NIM1K: variants seen among roughly 807,000 people sequenced by gnomAD.
NIM1K encodes serine/threonine-protein kinase NIM1.
Under a neutral mutation model 37.1 loss-of-function variants are expected in NIM1K, and 35 were observed. That is an observed-to-expected ratio of 0.94 (90% CI 0.72 to 1.25). NIM1K has a LOEUF of 1.25. Ranked by LOEUF, NIM1K falls within the 50% of genes most tolerant of loss-of-function variation. The probability of loss-of-function intolerance (pLI) is 0.00; values close to 1 mark genes in which losing one functional copy is unlikely to be tolerated. For missense variants in NIM1K, 564 were observed against 548.0 expected, an observed-to-expected ratio of 1.03 and a Z score of -0.29; for synonymous variants, 234 against 206.6, an observed-to-expected ratio of 1.13 and a Z score of -1.14.
At chr5:43,246,121 G>A in intron 2 of NIM1K, 54 bp downstream of exon 2, 1 of 1,517,608 alleles carries the variant, frequency 6.6e-7, no homozygotes. Context: ...CCTAGTGTAG[G>A]AAAGGGGTTA....
intron 1 of NIM1K, among the ~76,000 whole-genome samples, chr5:43,228,577 C>T (rs534430516): frequency 3.4e-4 from 52 of 152,062 alleles, no homozygotes; most frequent in African/African-American, 1.2e-3. Context: ...GTAATCCCAG[C>T]GTTTTGGGAG....
intron 1 of NIM1K, among the ~76,000 whole-genome samples, chr5:43,216,677 G>A (rs1014545037): frequency 2.6e-5 from 4 of 152,186 alleles, no homozygotes; most frequent in African/African-American, 9.7e-5. Context: ...TGCCTTCCCC[G>A]ATTGTATAAG....
chr5:43,193,448 C>T (rs1252562122), intron 1 of NIM1K: 2 of 149,966 alleles, frequency 1.3e-5, no homozygotes, highest in African/African-American at 2.5e-5. Context: ...GGCTCTCTGT[C>T]TACCCCCCCT....
chr5:43,243,115 G>C (rs1484212595), intron 1 of NIM1K, among the ~76,000 whole-genome samples: 5 of 152,158 alleles, frequency 3.3e-5, no homozygotes, highest in Non-Finnish European at 7.4e-5. Flanking sequence ...TCCTAGTGCT[G>C]ATGTAGTTGT....
At chr5:43,266,066 T>C (rs1307969396) in intron 2 of NIM1K, among the ~76,000 whole-genome samples, 1 of 152,234 alleles carries the variant, frequency 6.6e-6, no homozygotes, top group Admixed American at 6.5e-5. Flanking sequence ...TACTCAGGGG[T>C]CAGGGACCCA....
At chr5:43,214,958 A>G (rs948784268) in intron 1 of NIM1K, among the ~76,000 whole-genome samples, 4 of 152,170 alleles carry the variant, frequency 2.6e-5, no homozygotes, top group African/African-American at 7.2e-5. Flanking sequence ...GTGGGGGTAG[A>G]TGTGAACTGA....
chr5:43,232,642 A>G, intron 1 of NIM1K: 3 of 1,552,780 alleles, frequency 1.9e-6, no homozygotes, highest in Non-Finnish European at 1.7e-6. Flanking sequence ...AGCTGTGGAA[A>G]CCTGGGGTGG....
chr5:43,225,417 TTTAA>T lies in NIM1K; in HGVS notation c.-694-19660_-694-19657del, dbSNP rs1389809726. On this transcript the variant is annotated intron_variant, in intron 1 of 3. Transcript: ENST00000326035. Reference sequence around the variant, plus strand: ...TTTCTTTTTTTTTAAGTTGAACAATTTTAATTAAGTTACTCGTAAGCAGTAAAAT... The same window carrying T: ...TTTCTTTTTTTTTAAGTTGAACAATTTTAAGTTACTCGTAAGCAGTAAAAT... 9 of 152,276 alleles carry T rather than the reference TTTAA, an allele frequency of 5.9e-5. 1 individual carries two copies. The highest frequency in any genetic ancestry group is 1.9e-4 in the African/African-American group (8 of 41,550). 9.4% of individuals were successfully genotyped at this position (152,276 alleles called of 1,614,324 possible).
intron 2 of NIM1K, among the ~76,000 whole-genome samples, chr5:43,250,043 G>A (rs1368724548): frequency 6.6e-6 from 1 of 151,368 alleles, no homozygotes; most frequent in Non-Finnish European, 1.5e-5. Context: ...TAGTAGAGAC[G>A]GGGTTTCACC....
intron 1 of NIM1K, among the ~76,000 whole-genome samples, chr5:43,206,369 G>T (rs1351262165): frequency 7.1e-6 from 1 of 141,788 alleles, no homozygotes; most frequent in East Asian, 2.0e-4. Context: ...GAGGGGTGGT[G>T]CGTTCCTGTA....
chr5:43,218,380 T>C (rs532018474), intron 1 of NIM1K, among the ~76,000 whole-genome samples: 1 of 152,324 alleles, frequency 6.6e-6, no homozygotes, highest in Non-Finnish European at 1.5e-5. Context: ...TACCTGAGAC[T>C]GGATAATTTA....
chr5:43,199,142 T>G (rs1402056076), intron 1 of NIM1K, among the ~76,000 whole-genome samples: 1 of 138,600 alleles, frequency 7.2e-6, no homozygotes, highest in Non-Finnish European at 1.5e-5. Context: ...GAGCTGAGAT[T>G]GTGCCATTGT....
intron 1 of NIM1K, among the ~76,000 whole-genome samples, chr5:43,231,468 T>C (rs1235831104): frequency 6.6e-6 from 1 of 152,200 alleles, no homozygotes; most frequent in Non-Finnish European, 1.5e-5. Flanking sequence ...TAATATTGAA[T>C]CGTTTACCTT....
rs1176718462 is a variant in NIM1K at position 43,198,207 on chromosome 5, CTCTTTCTTTCTTTCTTTCTT to C, written c.-695+5818_-695+5837del. Among the ~76,000 whole-genome samples the C allele has an allele frequency of 2.5e-4, 12 of 48,904 alleles. 1 individual carries two copies. The highest frequency in any genetic ancestry group is 3.3e-4 in the Non-Finnish European group (8 of 24,542). 32.1% of individuals were successfully genotyped at this position (48,904 alleles called of 152,430 possible). A position where few individuals can be genotyped will look rare whatever the true frequency, so the allele number is the denominator to read the frequency against. On this transcript the variant is annotated intron_variant, in intron 1 of 3. Coordinates refer to ENST00000326035, the MANE Select transcript of NIM1K (RefSeq NM_153361.4). The stretch of plus-strand genomic sequence containing the variant: ...TCTTTCTTTCTTTCTTTCTTTCTTT[CTCTTTCTTTCTTTCTTTCTT>C]TCTTTCTTTCTTTCTTTCTTTTCTT...
At chr5:43,253,062 TG>T (rs1752889295) in intron 2 of NIM1K, among the ~76,000 whole-genome samples, 1 of 149,204 alleles carries the variant, frequency 6.7e-6, no homozygotes, top group African/African-American at 2.5e-5. Context: ...ACTGCTGCCT[TG>T]GACTCCTGGG....
intron 1 of NIM1K, among the ~76,000 whole-genome samples, chr5:43,201,044 G>A (rs1257385864): frequency 5.3e-5 from 8 of 151,480 alleles, no homozygotes; most frequent in South Asian, 2.1e-4. Context: ...AGAATTGCTT[G>A]AGCCTGGGCG....
intron 1 of NIM1K, among the ~76,000 whole-genome samples, chr5:43,241,819 T>C (rs1752707519): frequency 6.6e-6 from 1 of 152,046 alleles, no homozygotes; most frequent in African/African-American, 2.4e-5. Flanking sequence ...TCAAATTCAA[T>C]GTTTTCTTTA....
At position 43,277,343 on chromosome 5, in the gene NIM1K, G is replaced by A. The variant is rs768357795; in HGVS notation, c.561+18G>A. Reference sequence around the variant, plus strand: ...AGCACATGGTGAGCAGGGGTGACGAGTGAGAACCTTGCTCCCATTGCACTG... The same window carrying A: ...AGCACATGGTGAGCAGGGGTGACGAATGAGAACCTTGCTCCCATTGCACTG... On this transcript the variant is annotated intron_variant, in intron 3 of 3. Coordinates refer to ENST00000326035, the MANE Select transcript of NIM1K (RefSeq NM_153361.4). 2 of 1,608,622 alleles carry A rather than the reference G, an allele frequency of 1.2e-6. No individual in the cohort carries two copies. Among genetic ancestry groups the A allele is most frequent in the Non-Finnish European group, 1.7e-6 (2 of 1,177,332 alleles).
intron 1 of NIM1K, among the ~76,000 whole-genome samples, chr5:43,234,766 C>T (rs190000150): frequency 3.2e-4 from 48 of 152,278 alleles, no homozygotes; most frequent in African/African-American, 9.9e-4. Flanking sequence ...TCCTGAGTAG[C>T]GGGGATTACA....
Sources: gnomAD v4.1 joint callset for allele counts (sites outside exome capture counted in the v4.1 genomes callset) on GRCh38, gnomAD v4.1.1 for gene constraint, MANE v1.5 for transcripts, NCBI Gene and HGNC (gene_info 2026-07-23, HGNC 2026-07-21) for gene names.